CFAP44: variants seen among roughly 807,000 people sequenced by gnomAD.
The protein encoded by CFAP44 is cilia and flagella associated protein 44.
A neutral mutation model predicts 216.2 loss-of-function variants in CFAP44; 134 were observed. The ratio of observed to expected loss-of-function variants is 0.62; its 90% CI spans 0.54 to 0.72. The LOEUF is 0.72. Ranked by LOEUF, CFAP44 falls within the 30% of genes least tolerant of loss-of-function variation. The pLI is 0.00. For synonymous variants in CFAP44, 700 were observed against 727.6 expected (o/e 0.96, Z 0.61); for missense variants, 2,035 against 2,182.1 (o/e 0.93, Z 1.34).
At chr3:113,314,979 A>C (rs941747133) in intron 28 of CFAP44, among the ~76,000 whole-genome samples, 3 of 152,122 alleles carry the variant, frequency 2.0e-5, no homozygotes, top group Admixed American at 6.5e-5. Flanking sequence ...TAGAATCCCC[A>C]AAAATATTCA....
chr3:113,379,682 C>G (rs2107335710), intron 16 of CFAP44, 131 bp from the exon 17 acceptor site: 2 of 629,306 alleles, frequency 3.2e-6, no homozygotes, highest in South Asian at 5.6e-5. Context: ...AAAATACTCA[C>G]CAATGCGAGA....
At chr3:113,308,049 C>T (rs920002967) in intron 29 of CFAP44, 109 bp downstream of exon 29, 16 of 742,080 alleles carry the variant, frequency 2.2e-5, no homozygotes, top group Non-Finnish European at 3.4e-5. Flanking sequence ...ACATTTTGAA[C>T]TATCCTTTTT....
At chr3:113,422,047 T>C (rs1269754012) in intron 4 of CFAP44, among the ~76,000 whole-genome samples, 1 of 149,510 alleles carries the variant, frequency 6.7e-6, no homozygotes, top group Non-Finnish European at 1.5e-5. Context: ...ATCTTTTAAA[T>C]GTATATTGTT....
intron 8 of CFAP44, among the ~76,000 whole-genome samples, chr3:113,405,565 C>CTCCTTGG (rs1934254222): frequency 6.6e-6 from 1 of 152,186 alleles, no homozygotes; most frequent in South Asian, 2.1e-4. Flanking sequence ...ACCTATTAAA[C>CTCCTTGG]TCCTTGTACA....
At position 113,291,320 on chromosome 3, in the gene CFAP44, A is replaced by C. The variant is rs776850747; in HGVS notation, c.*237T>G. The C allele has an allele frequency of 9.3e-6, 4 of 428,284 alleles. No homozygotes were observed. Among genetic ancestry groups the C allele is most frequent in the Non-Finnish European group, 1.3e-5 (3 of 237,136 alleles). The allele number at this position is 428,284 out of a possible 1,614,324, so 26.5% of individuals were successfully genotyped here. On this transcript the variant is annotated 3_prime_UTR_variant, in exon 35 of 35. Coordinates refer to ENST00000393845, the MANE Select transcript of CFAP44 (RefSeq NM_001164496.2). ...CCTTCCGAGACTTCATATTCAATCT[A>C]GTAGGTTCGAAACATCTAAAATGAT...
chr3:113,291,263 T>C lies in CFAP44; in HGVS notation c.*294A>G, dbSNP rs78842816. On this transcript the variant is annotated 3_prime_UTR_variant, in exon 35 of 35. Coordinates refer to ENST00000393845, the MANE Select transcript of CFAP44 (RefSeq NM_001164496.2). ...CAAATTTTCCTAAAACAAAATATAT[T>C]ACAGGTGATTTGCTGCAATCATGAA... is the stretch of plus-strand genomic sequence containing the variant. 1.7e-3 allele frequency: 437 copies of C among 250,404 alleles called. 8 individuals carry two copies. The East Asian group carries it at 0.031, about 18-fold the overall frequency. The allele number at this position is 250,404 out of a possible 1,614,324, so 15.5% of individuals were successfully genotyped here.
rs200919084 is a variant in CFAP44 at position 113,324,042 on chromosome 3, C to CAAAAAAAAAAAAAAAA, written c.4516+2387_4516+2402dup. ...CTGGTGACAGAGCAAGACTCCGTCTCAAAAAAAAAAAAAAAAAGAGAGAAA... is the reference window on the plus strand; with the variant it reads ...CTGGTGACAGAGCAAGACTCCGTCTCAAAAAAAAAAAAAAAAAAAAAAAAAAAAAAAAAGAGAGAAA... On this transcript the variant is annotated intron_variant, in intron 28 of 34. Coordinates refer to ENST00000393845, the MANE Select transcript of CFAP44 (RefSeq NM_001164496.2). Among the ~76,000 whole-genome samples the CAAAAAAAAAAAAAAAA allele has an allele frequency of 2.8e-3, 204 of 71,720 alleles. 3 individuals carry two copies. Among genetic ancestry groups the CAAAAAAAAAAAAAAAA allele is most frequent in the East Asian group, 0.014 (32 of 2,326 alleles). 47.1% of individuals were successfully genotyped at this position (71,720 alleles called of 152,430 possible). A position where few individuals can be genotyped will look rare whatever the true frequency, so the allele number is the denominator to read the frequency against.
chr3:113,327,913 T>G, intron 26 of CFAP44, 94 bp from the exon 27 acceptor site: 2 of 1,122,426 alleles, frequency 1.8e-6, no homozygotes, highest in Non-Finnish European at 2.5e-6. Flanking sequence ...AAGTCATTTT[T>G]TATTATGCCC....
At chr3:113,364,690 C>T (rs1379025788) in intron 19 of CFAP44, among the ~76,000 whole-genome samples, 1 of 152,074 alleles carries the variant, frequency 6.6e-6, no homozygotes, top group East Asian at 1.9e-4. Flanking sequence ...CAAAAATATG[C>T]CAATCAGTTC....
intron 21 of CFAP44, chr3:113,361,254 C>A: frequency 4.6e-6 from 1 of 219,090 alleles, no homozygotes; most frequent in South Asian, 8.1e-5. Context: ...ATCTGTCAGT[C>A]CTACTTTTGG....
chr3:113,432,769 C>T (rs754845303), intron 2 of CFAP44, among the ~76,000 whole-genome samples: 1 of 152,192 alleles, frequency 6.6e-6, no homozygotes, highest in African/African-American at 2.4e-5. Flanking sequence ...CCTTCTTGAA[C>T]AACTCGCTTT....
chr3:113,403,226 T>C (rs569698226), intron 9 of CFAP44, among the ~76,000 whole-genome samples: 61 of 152,280 alleles, frequency 4.0e-4, no homozygotes, highest in African/African-American at 1.3e-3. Flanking sequence ...AGGCTACAGG[T>C]TGACCAGCCA....
At position 113,385,924 on chromosome 3, in the gene CFAP44, A is replaced by G. The variant is rs536443753; in HGVS notation, c.1891-4864T>C. On this transcript the variant is annotated intron_variant, in intron 15 of 34. Transcript: ENST00000393845. ...CTCCCAGAGTGCTGAGATTATAGGC[A>G]TGAGGCACTGCGCCCTGCCTCTGTT... is the stretch of plus-strand genomic sequence containing the variant. Among the ~76,000 whole-genome samples, 6 of 152,062 alleles carry G rather than the reference A, an allele frequency of 3.9e-5. No individual in the cohort carries two copies. The East Asian group carries it at 1.2e-3, about 29-fold the overall frequency.
intron 24 of CFAP44, among the ~76,000 whole-genome samples, chr3:113,338,517 T>C (rs954041566): frequency 6.6e-6 from 1 of 152,010 alleles, no homozygotes; most frequent in Non-Finnish European, 1.5e-5. Flanking sequence ...AATGAAAATA[T>C]GTGCTTGTCA....
intron 32 of CFAP44, among the ~76,000 whole-genome samples, chr3:113,301,140 CATATG>C (rs911715749): frequency 5.0e-4 from 76 of 152,156 alleles, no homozygotes; most frequent in African/African-American, 1.6e-3. Context: ...TTAGTAGAAT[CATATG>C]ATATATTTTA....
chr3:113,302,476 A>AAAAAAAAAAAAAAAAAAAAAAAT (rs1949946164), intron 32 of CFAP44, among the ~76,000 whole-genome samples: 1 of 147,466 alleles, frequency 6.8e-6, no homozygotes, highest in South Asian at 2.1e-4. Context: ...AAAAAAAAAA[A>AAAAAAAAAAAAAAAAAAAAAAAT]AAAAGATAGC....
intron 11 of CFAP44, 64 bp from the exon 12 acceptor site, chr3:113,400,708 T>C (rs1474597237): frequency 7.1e-7 from 1 of 1,415,826 alleles, no homozygotes; most frequent in Admixed American, 1.9e-5. Context: ...AAGATCAAGT[T>C]TAAAAAAATG....
intron 22 of CFAP44, among the ~76,000 whole-genome samples, chr3:113,345,095 G>A (rs1336949740): frequency 1.4e-5 from 2 of 147,810 alleles, no homozygotes; most frequent in Non-Finnish European, 3.0e-5. Context: ...TATATATTAT[G>A]TATATATATC....
At chr3:113,436,452 A>G (rs1372417858) in intron 1 of CFAP44, among the ~76,000 whole-genome samples, 1 of 152,194 alleles carries the variant, frequency 6.6e-6, no homozygotes, top group Non-Finnish European at 1.5e-5. Context: ...AGCAATATAC[A>G]GTCCCTCACC....
Sources: gnomAD v4.1 joint callset for allele counts (sites outside exome capture counted in the v4.1 genomes callset) on GRCh38, gnomAD v4.1.1 for gene constraint, MANE v1.5 for transcripts, NCBI Gene and HGNC (gene_info 2026-07-23, HGNC 2026-07-21) for gene names.